The following RBMS1 variants were observed in gnomAD, a reference collection of about 807,000 sequenced individuals.
The protein encoded by RBMS1 is RNA binding motif single stranded interacting protein 1, also known as RNA-binding motif, single-stranded-interacting protein 1.
In RBMS1, 17 loss-of-function variants were observed where a neutral mutation model predicts 62.3. The observed-to-expected ratio is 0.27, with a 90% CI of 0.19 to 0.41. The LOEUF (loss-of-function observed/expected upper bound fraction) is 0.41. RBMS1 is among the 10% of genes least tolerant of loss of function. The pLI, the probability that RBMS1 is intolerant of heterozygous loss-of-function variation, is 1.00. For missense variants in RBMS1, 334 were observed against 504.5 expected, an observed-to-expected ratio of 0.66 and a Z score of 3.24; for synonymous variants, 172 against 170.0, an observed-to-expected ratio of 1.01 and a Z score of -0.09.
At chr2:160,412,564 C>G (rs940568494) in intron 1 of RBMS1, among the ~76,000 whole-genome samples, 1 of 152,204 alleles carries the variant, frequency 6.6e-6, no homozygotes, top group African/African-American at 2.4e-5. Context: ...TGCTTCAATT[C>G]CTAGGTGAGT....
chr2:160,440,525 C>A (rs1256930110), intron 1 of RBMS1, among the ~76,000 whole-genome samples: 2 of 152,128 alleles, frequency 1.3e-5, no homozygotes, highest in African/African-American at 2.4e-5. Context: ...GCATGAGGGT[C>A]GCCATATTTA....
chr2:160,441,600 CT>C (rs1238994283), intron 1 of RBMS1, among the ~76,000 whole-genome samples: 1 of 152,168 alleles, frequency 6.6e-6, no homozygotes, highest in Non-Finnish European at 1.5e-5. Context: ...TGGCATGTGC[CT>C]GTAGTTGCAG....
intron 1 of RBMS1, among the ~76,000 whole-genome samples, chr2:160,424,390 A>T (rs1696564155): frequency 6.6e-6 from 1 of 152,016 alleles, no homozygotes; most frequent in Admixed American, 6.6e-5. Flanking sequence ...ACAAAAAGAA[A>T]GATGTCTCAT....
chr2:160,412,667 G>A (rs1332559888), intron 1 of RBMS1, among the ~76,000 whole-genome samples: 2 of 152,204 alleles, frequency 1.3e-5, no homozygotes, highest in Non-Finnish European at 2.9e-5. Context: ...CTAGACAATC[G>A]TGTGCTATGG....
intron 1 of RBMS1, among the ~76,000 whole-genome samples, chr2:160,377,063 A>G (rs1694040203): frequency 6.6e-6 from 1 of 151,110 alleles, no homozygotes; most frequent in Admixed American, 6.6e-5. Flanking sequence ...TCTCTAAGCT[A>G]TACTGCCTGA....
chr2:160,304,894 T>G (rs760311957), intron 4 of RBMS1, among the ~76,000 whole-genome samples: 1 of 152,146 alleles, frequency 6.6e-6, no homozygotes, highest in African/African-American at 2.4e-5. Flanking sequence ...TCTTGCTCTG[T>G]GCCAGGATGG....
At chr2:160,304,272 G>A (rs1482117662) in intron 4 of RBMS1, among the ~76,000 whole-genome samples, 1 of 152,154 alleles carries the variant, frequency 6.6e-6, no homozygotes, top group East Asian at 1.9e-4. Flanking sequence ...TAAAAGCAAG[G>A]AGAATAATTA....
chr2:160,475,852 G>A (rs1010543434), intron 1 of RBMS1, among the ~76,000 whole-genome samples: 3 of 133,728 alleles, frequency 2.2e-5, no homozygotes, highest in African/African-American at 8.4e-5. Flanking sequence ...AGTAGAATGG[G>A]CCCCCCATTT....
At chr2:160,289,452 G>A (rs1009089918) in intron 6 of RBMS1, among the ~76,000 whole-genome samples, 1 of 152,184 alleles carries the variant, frequency 6.6e-6, no homozygotes, top group Non-Finnish European at 1.5e-5. Context: ...AGGGAAATGG[G>A]AGTACCCCAA....
At chr2:160,396,906 G>C (rs376454917) in intron 1 of RBMS1, among the ~76,000 whole-genome samples, 1 of 152,166 alleles carries the variant, frequency 6.6e-6, no homozygotes. Flanking sequence ...CTCTCTGACC[G>C]AGGTCCGGGG....
At chr2:160,359,229 C>T (rs1692986472) in intron 2 of RBMS1, among the ~76,000 whole-genome samples, 3 of 152,142 alleles carry the variant, frequency 2.0e-5, no homozygotes, top group East Asian at 1.9e-4. Flanking sequence ...CGAAGAGCTT[C>T]GGGTTTCTAA....
intron 5 of RBMS1, chr2:160,302,973 C>T (rs1012843371): frequency 1.1e-5 from 2 of 176,646 alleles, no homozygotes; most frequent in Non-Finnish European, 1.2e-5. Flanking sequence ...AAATTTCCAT[C>T]GAATAAGAAA....
In RBMS1 at chr2:160,274,413, G is replaced by A. The variant is rs1038281528; in HGVS notation, c.*359C>T. The stretch of plus-strand genomic sequence containing the variant: ...AAAATCCGGTCATGCACTTGGATAA[G>A]TCTTCATGGTCTTTGTGCATACCCA... On this transcript the variant is annotated 3_prime_UTR_variant, in exon 14 of 14. Coordinates refer to ENST00000348849, the MANE Select transcript of RBMS1 (RefSeq NM_016836.4). 60 of 149,386 alleles carry A rather than the reference G, an allele frequency of 4.0e-4. No homozygotes were observed. Among genetic ancestry groups the A allele is most frequent in the African/African-American group, 1.4e-3 (58 of 40,772 alleles). The allele number at this position is 149,386 out of a possible 1,614,324, so 9.3% of individuals were successfully genotyped here.
rs932005300 is a variant in RBMS1, at chr2:160,275,968, T to C, written c.1144-254A>G. 2.6e-5 allele frequency among the ~76,000 whole-genome samples: 4 copies of C among 152,300 alleles called. No individual in the cohort carries two copies. The South Asian group carries it at 8.3e-4, about 32-fold the overall frequency. Reference sequence around the variant, plus strand: ...AGCTACAGCATATCAAACAAATCTCTTACCCTCTTATCCCCTGGGGACAGA... The same window carrying C: ...AGCTACAGCATATCAAACAAATCTCCTACCCTCTTATCCCCTGGGGACAGA... On this transcript the variant is annotated intron_variant, in intron 12 of 13. Coordinates refer to ENST00000348849, the MANE Select transcript of RBMS1 (RefSeq NM_016836.4).
At chr2:160,306,619 TA>T (rs973200991) in intron 4 of RBMS1, among the ~76,000 whole-genome samples, 206 of 144,410 alleles carry the variant, frequency 1.4e-3, no homozygotes, top group Middle Eastern at 3.5e-3. Context: ...TGCAGTAATT[TA>T]AAAAAAAAAA....
intron 5 of RBMS1, chr2:160,302,935 C>A (rs1315448067): frequency 6.3e-6 from 1 of 159,790 alleles, no homozygotes; most frequent in Non-Finnish European, 1.4e-5. Context: ...CATTTTAAAA[C>A]CTAACTCATT....
At chr2:160,402,437 TGA>T (rs1335090660) in intron 1 of RBMS1, among the ~76,000 whole-genome samples, 1 of 152,228 alleles carries the variant, frequency 6.6e-6, no homozygotes, top group Non-Finnish European at 1.5e-5. Flanking sequence ...TGGATTTCCC[TGA>T]GAGAGGGCTG....
intron 1 of RBMS1, among the ~76,000 whole-genome samples, chr2:160,444,055 T>C (rs1683536961): frequency 6.6e-6 from 1 of 152,234 alleles, no homozygotes; most frequent in Non-Finnish European, 1.5e-5. Context: ...TTGCTGGATT[T>C]CTTGTTATGA....
Position 160,471,716 on chromosome 2 carries a change from T to TATATAAAA in RBMS1, c.75+21572_75+21573insTTTTATAT, listed in dbSNP as rs371634389. On this transcript the variant is annotated intron_variant, in intron 1 of 13. Coordinates refer to ENST00000348849, the MANE Select transcript of RBMS1 (RefSeq NM_016836.4). ...GTATATATATATATATATATATATA[T>TATATAAAA]AACCTTTCATACATTCTGATTATAA... is the stretch of plus-strand genomic sequence containing the variant. Among the ~76,000 whole-genome samples, 6 of 76,248 alleles carry TATATAAAA rather than the reference T, an allele frequency of 7.9e-5. 1 individual carries two copies. The highest frequency in any genetic ancestry group is 7.4e-4 in the Admixed American group (4 of 5,374). The allele number at this position is 76,248 out of a possible 152,430, so 50.0% of individuals were successfully genotyped here. A position where few individuals can be genotyped will look rare whatever the true frequency, so the allele number is the denominator to read the frequency against.
Sources: allele counts gnomAD v4.1 joint callset (sites outside exome capture counted in the v4.1 genomes callset), GRCh38; gene constraint gnomAD v4.1.1; transcripts MANE v1.5; gene names NCBI Gene and HGNC (gene_info 2026-07-23, HGNC 2026-07-21).